Variants in PLEKHM2 observed in about 807,000 individuals in gnomAD.
PLEKHM2 encodes pleckstrin homology and RUN domain containing M2, also known as pleckstrin homology domain-containing family M member 2.
In PLEKHM2, 77 loss-of-function variants were observed where a neutral mutation model predicts 116.3. The ratio of observed to expected loss-of-function variants is 0.66; its 90% CI spans 0.55 to 0.80. The LOEUF (loss-of-function observed/expected upper bound fraction) is 0.80, where lower values mean the gene tolerates loss of function less well. PLEKHM2 is among the 30% of genes least tolerant of loss of function. The probability of loss-of-function intolerance (pLI) is 0.00; values close to 1 mark genes in which losing one functional copy is unlikely to be tolerated. For synonymous variants in PLEKHM2, 562 were observed against 571.0 expected (o/e 0.98, Z 0.22); for missense variants, 1,183 against 1,354.9 (o/e 0.87, Z 1.99).
chr1:15,725,811 C>A, intron 8 of PLEKHM2: 1 of 505,302 alleles, frequency 2.0e-6, no homozygotes, highest in East Asian at 3.3e-5. Flanking sequence ...GCCTACAGTC[C>A]GAGGTCAGGG....
chr1:15,719,624 T>C lies in PLEKHM2; in HGVS notation c.466-110T>C. 1 of 691,370 alleles carries C rather than the reference T, an allele frequency of 1.4e-6. No homozygotes were observed. The highest frequency in any genetic ancestry group is 1.9e-5 in the South Asian group (1 of 52,638). 42.8% of individuals were successfully genotyped at this position (691,370 alleles called of 1,614,324 possible). Reference sequence around the variant, plus strand: ...CTTTGAATTTACTACCTTAAGCCATTGATTTCCCAAAGAGGCACATCTGTG... The same window carrying C: ...CTTTGAATTTACTACCTTAAGCCATCGATTTCCCAAAGAGGCACATCTGTG... On this transcript the variant is annotated intron_variant, in intron 5 of 19. Transcript: ENST00000375799. This position sits in a 1 kb window ranked among gnomAD's most constrained non-coding sequence, Gnocchi z 4.1.
chr1:15,713,621 TG>T (rs1641378628), intron 1 of PLEKHM2, among the ~76,000 whole-genome samples: 1 of 146,490 alleles, frequency 6.8e-6, no homozygotes, highest in African/African-American at 2.7e-5. Flanking sequence ...TTCTGTTTTT[TG>T]TTTGTTTGTT....
intron 1 of PLEKHM2, among the ~76,000 whole-genome samples, chr1:15,705,802 T>G (rs535378094): frequency 6.6e-6 from 1 of 152,142 alleles, no homozygotes; most frequent in South Asian, 2.1e-4. Flanking sequence ...ATACAGAAAC[T>G]ATGGCAAGGC....
chr1:15,691,172 C>T (rs780335184), intron 1 of PLEKHM2, among the ~76,000 whole-genome samples: 4 of 152,216 alleles, frequency 2.6e-5, no homozygotes, highest in Non-Finnish European at 4.4e-5. Context: ...TGGGATCAAG[C>T]GATTCTCCCG....
chr1:15,702,601 A>G (rs999109541), intron 1 of PLEKHM2, among the ~76,000 whole-genome samples: 1 of 151,422 alleles, frequency 6.6e-6, no homozygotes, highest in Non-Finnish European at 1.5e-5. Flanking sequence ...TATTTTTAGT[A>G]GAGATGGGGT....
At chr1:15,720,422 C>A (rs2067980742) in intron 6 of PLEKHM2, 1 of 985,202 alleles carries the variant, frequency 1.0e-6, no homozygotes, top group Non-Finnish European at 1.2e-6. Context: ...TGAGTTCCTT[C>A]TGCGCTCGCT....
At chr1:15,720,018 T>C (rs1571055436) in intron 6 of PLEKHM2, 98 bp downstream of exon 6, 2 of 1,021,982 alleles carry the variant, frequency 2.0e-6, no homozygotes, top group Non-Finnish European at 2.8e-6. Flanking sequence ...CTAGTTTTGG[T>C]CTGGTGGCTG....
At chr1:15,726,614 G>A (rs2068066513) in intron 8 of PLEKHM2, among the ~76,000 whole-genome samples, 1 of 152,240 alleles carries the variant, frequency 6.6e-6, no homozygotes, top group South Asian at 2.1e-4. Context: ...ATGCCTGAGG[G>A]AAGTGAGGTC....
intron 1 of PLEKHM2, among the ~76,000 whole-genome samples, chr1:15,702,476 C>T (rs949826933): frequency 1.3e-4 from 19 of 151,734 alleles, no homozygotes; most frequent in African/African-American, 4.6e-4. Flanking sequence ...AGTGCAGTGG[C>T]ACAATCTCAG....
In PLEKHM2 at chr1:15,684,612, G is replaced by A; in HGVS notation, c.54G>A (p.Val18=). The change falls in exon 1 of 20, where the codon GTG becomes GTA. Residue 18 remains valine (V), a synonymous_variant. Transcript: ENST00000375799. The part of the protein sequence containing the change: ...DRILENISLS[V]KKLQSYFAAC... Reference sequence around the variant, plus strand: ...TCCTGGAGAACATCTCGCTGTCGGTGAAGAAGGTGAGCGCGGCCTCCCTCC... The same window carrying A: ...TCCTGGAGAACATCTCGCTGTCGGTAAAGAAGGTGAGCGCGGCCTCCCTCC... 1 of 1,304,364 alleles carries A rather than the reference G, an allele frequency of 7.7e-7. No homozygotes were observed. Among genetic ancestry groups the A allele is most frequent in the Non-Finnish European group, 9.9e-7 (1 of 1,014,280 alleles). 80.8% of individuals were successfully genotyped at this position (1,304,364 alleles called of 1,614,324 possible).
rs369021812 is a variant in PLEKHM2, at chr1:15,733,922, C to A, written c.3048C>A (p.Asp1016Glu). 6.2e-7 allele frequency: 1 copy of A among 1,611,878 alleles called. No individual in the cohort carries two copies. The highest frequency in any genetic ancestry group is 8.5e-7 in the Non-Finnish European group (1 of 1,179,442). Reference sequence around the variant, plus strand: ...TCTGCCGCGGCCGAGCCTCCCGAGACCCCTGGTGCTGAGGCAGAGCTGGTT... The same window carrying A: ...TCTGCCGCGGCCGAGCCTCCCGAGAACCCTGGTGCTGAGGCAGAGCTGGTT... ...DSLCRGRASR[D>E]PWC Residue 1016 changes from aspartate (D) to glutamate (E), a missense_variant, in exon 20 of 20, where the codon GAC becomes GAA. This residue lies in a region of PLEKHM2 where 594 missense variants were observed against 720.1 expected (regional missense o/e 0.82). Coordinates refer to ENST00000375799, the MANE Select transcript of PLEKHM2 (RefSeq NM_015164.4).
chr1:15,683,458 G>C (rs1245968104), upstream of PLEKHM2, among the ~76,000 whole-genome samples: 5 of 151,918 alleles, frequency 3.3e-5, no homozygotes, highest in African/African-American at 1.2e-4. Context: ...GCGGGAGGGG[G>C]CCCAGGGTCT....
Position 15,717,919 on chromosome 1 carries a change from A to G in PLEKHM2, c.304A>G (p.Asn102Asp). ...CCGTGCCTGGCTGTACCTGGCCCTC[A>G]ACGAGAACTCCTTGGAGAGCTACCT... ...RSRAWLYLAL[N>D]ENSLESYLRL... Residue 102 changes from asparagine (N) to aspartate (D), a missense_variant, in exon 4 of 20, where the codon AAC becomes GAC. Asn to Asp is a conservative substitution (Grantham distance 23). This residue lies in a region of PLEKHM2 where 217 missense variants were observed against 277.6 expected (regional missense o/e 0.78). Transcript: ENST00000375799. 5 of 1,598,924 alleles carry G rather than the reference A, an allele frequency of 3.1e-6. No homozygotes were observed. The highest frequency in any genetic ancestry group is 4.3e-6 in the Non-Finnish European group (5 of 1,172,594).
At chr1:15,689,418 C>T (rs937604530) in intron 1 of PLEKHM2, among the ~76,000 whole-genome samples, 1 of 152,016 alleles carries the variant, frequency 6.6e-6, no homozygotes, top group South Asian at 2.1e-4. Flanking sequence ...TTAAGATTGC[C>T]AAGGGTTCTG....
At chr1:15,703,510 G>C (rs1481370209) in intron 1 of PLEKHM2, among the ~76,000 whole-genome samples, 1 of 152,234 alleles carries the variant, frequency 6.6e-6, no homozygotes, top group Non-Finnish European at 1.5e-5. Context: ...TGACGAGGGA[G>C]AAAGGAAGGA....
At chr1:15,694,348 C>A (rs1240337) in intron 1 of PLEKHM2, among the ~76,000 whole-genome samples, 14,206 of 145,272 alleles carry the variant, frequency 0.098, 851 homozygotes, top group East Asian at 0.27. Context: ...GACTCCATCT[C>A]AAAAAAAAAA....
upstream of PLEKHM2, chr1:15,681,642 C>T (rs147728297): frequency 1.1e-3 from 492 of 458,226 alleles, 12 homozygotes; most frequent in East Asian, 0.028. Context: ...CCTGTATGCA[C>T]CCTAGCCAGG....
intron 19 of PLEKHM2, among the ~76,000 whole-genome samples, 194 bp from the exon 20 acceptor site, chr1:15,733,603 A>G (rs2068178762): frequency 6.6e-6 from 1 of 152,222 alleles, no homozygotes; most frequent in Non-Finnish European, 1.5e-5. Flanking sequence ...CTCGGGGGGC[A>G]CCACCCCATC....
Position 15,720,128 on chromosome 1 carries a change from T to TTATATATATATATATATA in PLEKHM2, c.652+213_652+230dup, listed in dbSNP as rs144815982. On this transcript the variant is annotated intron_variant, in intron 6 of 19. Coordinates refer to ENST00000375799, the MANE Select transcript of PLEKHM2 (RefSeq NM_015164.4). ...GGATTCTGGGCACAAAAAGCTGAAA[T>TTATATATATATATATATA]TATATATATATATATATATATAAAA... Among the ~76,000 whole-genome samples the TTATATATATATATATATA allele has an allele frequency of 6.0e-5, 7 of 115,894 alleles. No homozygotes were observed. The East Asian group carries it at 1.4e-3, about 24-fold the overall frequency. The allele number at this position is 115,894 out of a possible 152,430, so 76.0% of individuals were successfully genotyped here. A position where few individuals can be genotyped will look rare whatever the true frequency, so the allele number is the denominator to read the frequency against.
Sources: gnomAD v4.1 joint callset for allele counts (sites outside exome capture counted in the v4.1 genomes callset) on GRCh38, gnomAD v4.1.1 for gene constraint, gnomAD v4.1.1 regional missense constraint, Gnocchi (gnomAD v3.1) non-coding constraint, MANE v1.5 for transcripts, NCBI Gene and HGNC (gene_info 2026-07-23, HGNC 2026-07-21) for gene names.